NCK1: variants seen among roughly 807,000 people sequenced by gnomAD.
NCK1 encodes SH2/SH3 adapter protein NCK1.
In NCK1, 19 loss-of-function variants were observed where a neutral mutation model predicts 36.6. The observed-to-expected ratio is 0.52, with a 90% CI of 0.36 to 0.76. NCK1 has a LOEUF of 0.76. Ranked by LOEUF, NCK1 falls within the 30% of genes least tolerant of loss-of-function variation. NCK1 has a pLI of 0.00. For missense variants in NCK1, 358 were observed against 445.6 expected, an observed-to-expected ratio of 0.80 and a Z score of 1.77; for synonymous variants, 165 against 156.0, an observed-to-expected ratio of 1.06 and a Z score of -0.43.
At chr3:136,937,264 A>G (rs1940555616) in intron 2 of NCK1, among the ~76,000 whole-genome samples, 2 of 152,198 alleles carry the variant, frequency 1.3e-5, no homozygotes, top group South Asian at 2.1e-4. Context: ...ATGAAAATCA[A>G]TTGACCATAG....
chr3:136,923,341 G>A (rs1576979923), intron 1 of NCK1, among the ~76,000 whole-genome samples: 1 of 152,078 alleles, frequency 6.6e-6, no homozygotes. Context: ...GGATCACGAG[G>A]TCAGGAGATC....
At chr3:136,884,067 C>G (rs1000246672) in intron 1 of NCK1, among the ~76,000 whole-genome samples, 1 of 152,084 alleles carries the variant, frequency 6.6e-6, no homozygotes, top group Non-Finnish European at 1.5e-5. Context: ...GAACACAATT[C>G]AAATTACAGA....
At chr3:136,874,065 A>G (rs559794297) in intron 1 of NCK1, among the ~76,000 whole-genome samples, 162 of 152,066 alleles carry the variant, frequency 1.1e-3, no homozygotes, top group South Asian at 2.7e-3. Flanking sequence ...CAGTGATAGT[A>G]GTATTCCATT....
At chr3:136,917,443 T>C (rs1407454222) in intron 1 of NCK1, among the ~76,000 whole-genome samples, 2 of 152,238 alleles carry the variant, frequency 1.3e-5, no homozygotes, top group African/African-American at 4.8e-5. Flanking sequence ...TTTGCATCTT[T>C]AAAGTTGTTT....
chr3:136,874,364 TG>T (rs1938707811), intron 1 of NCK1, among the ~76,000 whole-genome samples: 1 of 152,150 alleles, frequency 6.6e-6, no homozygotes, highest in Admixed American at 6.6e-5. Context: ...TTAGTAGAGA[TG>T]GGGTTTCACT....
chr3:136,867,053 T>A (rs201946585), intron 1 of NCK1, among the ~76,000 whole-genome samples: 1 of 98,626 alleles, frequency 1.0e-5, no homozygotes, highest in African/African-American at 3.8e-5. Context: ...CTTGCTTTTC[T>A]TTCTTTCTTT....
intron 2 of NCK1, among the ~76,000 whole-genome samples, chr3:136,934,094 A>G: frequency 6.6e-6 from 1 of 152,192 alleles, no homozygotes; most frequent in East Asian, 1.9e-4. Context: ...CCTGCTATGT[A>G]CTGTAAGTGC....
At position 136,910,430 on chromosome 3, in the gene NCK1, T is replaced by C. The variant is rs528014465; in HGVS notation, c.-18-17554T>C. Among the ~76,000 whole-genome samples, 12 of 152,340 alleles carry C rather than the reference T, an allele frequency of 7.9e-5. No homozygotes were observed. In the South Asian group the frequency reaches 2.5e-3, roughly 32 times the overall value. On this transcript the variant is annotated intron_variant, in intron 1 of 3. Transcript: ENST00000481752. ...ACTAAAGTTACAATTATTCTAGCTTTTAGAGTAATGTTTTTGTTGTGTAGT... is the reference window on the plus strand; with the variant it reads ...ACTAAAGTTACAATTATTCTAGCTTCTAGAGTAATGTTTTTGTTGTGTAGT...
chr3:136,922,078 C>T (rs1017028065), intron 1 of NCK1, among the ~76,000 whole-genome samples: 9 of 152,176 alleles, frequency 5.9e-5, no homozygotes, highest in East Asian at 1.9e-4. Flanking sequence ...CCACCGCGCC[C>T]GGCCACTGAG....
At position 136,946,106 on chromosome 3, in the gene NCK1, G is replaced by A; in HGVS notation, c.750G>A (p.Met250Ile). The A allele has an allele frequency of 2.5e-6, 4 of 1,613,908 alleles. No individual in the cohort carries two copies. The South Asian group carries it at 4.4e-5, about 18-fold the overall frequency. The change falls in exon 3 of 4, where the codon ATG becomes ATA. Residue 250 changes from methionine to isoleucine, a missense_variant. By Grantham distance (10) the Met-to-Ile change is conservative. Around this residue, in one of 3 missense-constraint regions of NCK1, gnomAD observed 207 missense variants for 253.4 expected, o/e 0.82. Transcript: ENST00000481752. The part of the protein sequence containing the change: ...GLVPKNYVTV[M>I]QNNPLTSGLE... ...TACCAAAAAACTATGTTACCGTTAT[G>A]CAGAATAATCCATTAACTTCAGGTT...
intron 1 of NCK1, chr3:136,899,418 T>C (rs1381002919): frequency 5.7e-6 from 1 of 174,094 alleles, no homozygotes; most frequent in Non-Finnish European, 1.1e-5. Context: ...TCATTTCTTT[T>C]CTTTTTTTTT....
intron 1 of NCK1, among the ~76,000 whole-genome samples, chr3:136,889,993 T>G (rs1355813315): frequency 6.6e-6 from 1 of 152,208 alleles, no homozygotes; most frequent in Non-Finnish European, 1.5e-5. Context: ...TCCTGCGCTG[T>G]GTGCCCGCAC....
At chr3:136,883,711 A>G (rs964924815) in intron 1 of NCK1, among the ~76,000 whole-genome samples, 1 of 152,208 alleles carries the variant, frequency 6.6e-6, no homozygotes, top group Non-Finnish European at 1.5e-5. Context: ...TATAGAACCG[A>G]CTGAAATGGA....
rs1461374060 is a variant in NCK1 at position 136,948,249 on chromosome 3, T to TC, written c.940-9dup. The TC allele has an allele frequency of 2.5e-6, 4 of 1,569,466 alleles. No homozygotes were observed. Among genetic ancestry groups the TC allele is most frequent in the Non-Finnish European group, 2.6e-6 (3 of 1,162,666 alleles). ...ATGTTTACTATATGTATCTTTTTTT[T>TC]CTCTTTTAGCCAAATGATTTCTCAG... On this transcript the variant is annotated splice_polypyrimidine_tract_variant and intron_variant, in intron 3 of 3. Transcript: ENST00000481752.
chr3:136,908,647 A>G (rs986400642), intron 1 of NCK1, among the ~76,000 whole-genome samples: 8 of 152,198 alleles, frequency 5.3e-5, no homozygotes, highest in African/African-American at 1.7e-4. Context: ...ATTACTGCCA[A>G]TGTGGTGACA....
intron 2 of NCK1, among the ~76,000 whole-genome samples, chr3:136,936,666 T>C (rs542351442): frequency 5.9e-5 from 9 of 152,334 alleles, no homozygotes; most frequent in Admixed American, 3.3e-4. Flanking sequence ...TCTTTGCTTA[T>C]ATCCATTGTA....
intron 1 of NCK1, among the ~76,000 whole-genome samples, chr3:136,901,454 TG>T (rs1399166121): frequency 6.6e-6 from 1 of 151,998 alleles, no homozygotes; most frequent in Non-Finnish European, 1.5e-5. Context: ...GGAGAATTGA[TG>T]TTAGTTCTTC....
In NCK1 at chr3:136,949,638, A is replaced by G. The variant is rs1940922575; in HGVS notation, c.*1185A>G. The G allele has an allele frequency of 9.9e-5, 15 of 151,940 alleles. No individual in the cohort carries two copies. In the South Asian group the frequency reaches 3.1e-3, roughly 31 times the overall value. The allele number at this position is 151,940 out of a possible 1,614,324, so 9.4% of individuals were successfully genotyped here. On this transcript the variant is annotated 3_prime_UTR_variant, in exon 4 of 4. Coordinates refer to ENST00000481752, the MANE Select transcript of NCK1 (RefSeq NM_001291999.2). ...AATTTGTCCCCCTATTATTCTGGAGATTTAAATTTAAGTAAAGTAGCCATC... is the reference window on the plus strand; with the variant it reads ...AATTTGTCCCCCTATTATTCTGGAGGTTTAAATTTAAGTAAAGTAGCCATC...
At chr3:136,905,830 G>A (rs1312597921) in intron 1 of NCK1, among the ~76,000 whole-genome samples, 1 of 151,080 alleles carries the variant, frequency 6.6e-6, no homozygotes, top group Admixed American at 6.6e-5. Context: ...TCACTATGTT[G>A]CCCTGGCTGG....
Sources: allele counts gnomAD v4.1 joint callset (sites outside exome capture counted in the v4.1 genomes callset), GRCh38; gene constraint gnomAD v4.1.1; regional missense constraint gnomAD v4.1.1; transcripts MANE v1.5; gene names NCBI Gene and HGNC (gene_info 2026-07-23, HGNC 2026-07-21).